Variants in BAG6 observed in about 807,000 individuals in gnomAD.
BAG6 encodes BAG cochaperone 6.
In BAG6, 22 loss-of-function variants were observed where a neutral mutation model predicts 121.0. The ratio of observed to expected loss-of-function variants is 0.18; its 90% CI spans 0.13 to 0.26. BAG6 has a LOEUF of 0.26. Ranked by LOEUF, BAG6 falls within the 10% of genes least tolerant of loss-of-function variation. The pLI is 1.00. For missense variants in BAG6, 1,233 were observed against 1,537.7 expected, an observed-to-expected ratio of 0.80 and a Z score of 3.31; for synonymous variants, 583 against 584.6, an observed-to-expected ratio of 1.00 and a Z score of 0.04.
chr6:31,640,701 G>A lies in BAG6; in HGVS notation c.2938C>T (p.Leu980Phe), dbSNP rs369392276. The A allele has an allele frequency of 2.5e-6, 4 of 1,612,982 alleles. No homozygotes were observed. The highest frequency in any genetic ancestry group is 3.4e-6 in the Non-Finnish European group (4 of 1,180,010). The change falls in exon 22 of 26, where the codon CTT (leucine) becomes TTT (phenylalanine). Residue 980 changes from leucine (L) to phenylalanine (F), a missense_variant. Leu to Phe is a conservative substitution (Grantham distance 22). Transcript: ENST00000676615. The surrounding 1 kb of genome is among the most constrained non-coding windows in gnomAD (Gnocchi z 4.2). ...VRRVGDPPQP[L>F]PEEPMEVQGA... ...TGAACTTCCATTGGCTCCTCAGGAA[G>A]TGGCTGTGAAATTAAAGAACACCAT...
chr6:31,639,759 G>A (rs1333780503), intron 24 of BAG6, 113 bp from the exon 25 acceptor site: 3 of 1,286,250 alleles, frequency 2.3e-6, no homozygotes, highest in African/African-American at 1.5e-5. Flanking sequence ...TGCTAGTGGA[G>A]AGAGGGGAAA....
At position 31,642,354 on chromosome 6, in the gene BAG6, G is replaced by C; in HGVS notation, c.2093C>G (p.Pro698Arg). 6.6e-7 allele frequency: 1 copy of C among 1,517,534 alleles called. No individual in the cohort carries two copies. The highest frequency in any genetic ancestry group is 8.9e-7 in the Non-Finnish European group (1 of 1,126,208). The allele number at this position is 1,517,534 out of a possible 1,614,324, so 94.0% of individuals were successfully genotyped here. Residue 698 changes from proline (P) to arginine (R), a missense_variant, in exon 16 of 26, where the codon CCT becomes CGT. Physicochemically the swap from Pro to Arg is moderately radical, Grantham distance 103. Coordinates refer to ENST00000676615, the MANE Select transcript of BAG6 (RefSeq NM_001387994.1). ...GGGCATGGTCTGCTGCTCTGGGGCA[G>C]GTGGTGGGGGTGGAGGAGGTGGGGG... ...PPPPPPPPPP[P>R]APEQQTMPPP...
intron 25 of BAG6, 64 bp from the exon 26 acceptor site, chr6:31,639,290 C>A: frequency 6.6e-7 from 1 of 1,510,408 alleles, no homozygotes. Context: ...CCAGCAAGCA[C>A]ACAAGGCCAT....
chr6:31,639,236 A>G lies in BAG6; in HGVS notation c.3394-10T>C, dbSNP rs201165258. 3.6e-4 allele frequency: 587 copies of G among 1,611,452 alleles called. 8 individuals carry two copies. In the East Asian group the frequency reaches 0.012, roughly 33 times the overall value. Reference sequence around the variant, plus strand: ...GTATATCAGACCGGAGCTAAAGAGAAAAAGTAAGCAGGTTGGAGAAACGCT... The same window carrying G: ...GTATATCAGACCGGAGCTAAAGAGAGAAAGTAAGCAGGTTGGAGAAACGCT... On this transcript the variant is annotated splice_polypyrimidine_tract_variant and intron_variant, in intron 25 of 25. Transcript: ENST00000676615.
intron 6 of BAG6, 91 bp downstream of exon 6, chr6:31,648,586 G>T: frequency 7.9e-7 from 1 of 1,272,822 alleles, no homozygotes; most frequent in Non-Finnish European, 1.1e-6. Context: ...GCCAAACCCT[G>T]TGGATGTGGC....
chr6:31,649,350 T>G lies in BAG6; in HGVS notation c.272A>C (p.Gln91Pro). 1.9e-6 allele frequency: 3 copies of G among 1,611,948 alleles called. No individual in the cohort carries two copies. Among genetic ancestry groups the G allele is most frequent in the Non-Finnish European group, 2.5e-6 (3 of 1,179,092 alleles). Residue 91 changes from glutamine to proline, a missense_variant, in exon 4 of 26, where the codon CAG becomes CCG. Around this residue, in one of 7 missense-constraint regions of BAG6, gnomAD observed 777 missense variants for 861.4 expected, o/e 0.90. Coordinates refer to ENST00000676615, the MANE Select transcript of BAG6 (RefSeq NM_001387994.1). ...VIHLVERAPP[Q>P]THLPSGASSG... ...AGATGCCCCAGAAGGGAGGTGAGTC[T>G]GAGGAGGAGCCCGTTCCACCAGGTG...
intron 15 of BAG6, 98 bp downstream of exon 15, chr6:31,642,731 G>A: frequency 7.2e-7 from 1 of 1,392,326 alleles, no homozygotes; most frequent in South Asian, 1.3e-5. Flanking sequence ...ATGTCACTAG[G>A]GGCTCTTACC....
chr6:31,644,739 G>A lies in BAG6; in HGVS notation c.1370-137C>T. ...GCCTTTCCCTCCATCTAAACAGGGA[G>A]AGGTACTCCCTTCACCACACAAACA... On this transcript the variant is annotated intron_variant, in intron 10 of 25. Coordinates refer to ENST00000676615, the MANE Select transcript of BAG6 (RefSeq NM_001387994.1). The surrounding 1 kb of genome is among the most constrained non-coding windows in gnomAD (Gnocchi z 4.9). 8.1e-7 allele frequency: 1 copy of A among 1,241,176 alleles called. No homozygotes were observed. Among genetic ancestry groups the A allele is most frequent in the East Asian group, 2.3e-5 (1 of 42,736 alleles). 76.9% of individuals were successfully genotyped at this position (1,241,176 alleles called of 1,614,324 possible).
chr6:31,641,720 A>T lies in BAG6; in HGVS notation c.2505+56T>A, dbSNP rs1228276896. 3 of 1,611,794 alleles carry T rather than the reference A, an allele frequency of 1.9e-6. No individual in the cohort carries two copies. The highest frequency in any genetic ancestry group is 2.5e-6 in the Non-Finnish European group (3 of 1,178,326). On this transcript the variant is annotated intron_variant, in intron 17 of 25. Transcript: ENST00000676615. The surrounding 1 kb of genome is among the most constrained non-coding windows in gnomAD (Gnocchi z 5.7). Reference sequence around the variant, plus strand: ...TTACCTGGCAGAGAAGCAGTCAGAAATAAGGAATAAAATGTGCAAAAGAGG... The same window carrying T: ...TTACCTGGCAGAGAAGCAGTCAGAATTAAGGAATAAAATGTGCAAAAGAGG...
At chr6:31,643,250 AC>A in intron 14 of BAG6, 135 bp from the exon 15 acceptor site, 1 of 836,494 alleles carries the variant, frequency 1.2e-6, no homozygotes, top group Non-Finnish European at 1.8e-6. Context: ...CCCCATCTCT[AC>A]CAGAAAAAAA....
In BAG6 at chr6:31,645,063, C is replaced by G; in HGVS notation, c.1252G>C (p.Ala418Pro). The G allele has an allele frequency of 6.2e-7, 1 of 1,612,952 alleles. No individual in the cohort carries two copies. The highest frequency in any genetic ancestry group is 8.5e-7 in the Non-Finnish European group (1 of 1,179,998). The change falls in exon 10 of 26, where the codon GCT becomes CCT. Residue 418 changes from alanine (A) to proline (P), a missense_variant. Transcript: ENST00000676615. Reference protein sequence around the residue: ...APSSTNVESSAEGAPPPGPAP... With the variant: ...APSSTNVESSPEGAPPPGPAP... The stretch of plus-strand genomic sequence containing the variant: ...GGACCTGGCGGGGGAGCCCCCTCAG[C>G]TGAGGACTCGACATTGGTAGAAGAC...
At chr6:31,647,544 C>G in intron 7 of BAG6, 47 bp downstream of exon 7, 1 of 1,604,196 alleles carries the variant, frequency 6.2e-7, no homozygotes, top group Non-Finnish European at 8.5e-7. Flanking sequence ...TCTCCCCATA[C>G]TTCACTTAGG....
At position 31,641,503 on chromosome 6, in the gene BAG6, C is replaced by G; in HGVS notation, c.2559+36G>C. On this transcript the variant is annotated intron_variant, in intron 18 of 25. Transcript: ENST00000676615. This position sits in a 1 kb window ranked among gnomAD's most constrained non-coding sequence, Gnocchi z 5.7. ...GGAGGAGGCAGCTGCCTTGACCAGA[C>G]CCAGGAGAGGAAAGGAATAGAGAAG... 1 of 1,614,078 alleles carries G rather than the reference C, an allele frequency of 6.2e-7. No homozygotes were observed. Among genetic ancestry groups the G allele is most frequent in the African/African-American group, 1.3e-5 (1 of 75,034 alleles).
In BAG6 at chr6:31,644,205, C is replaced by G. The variant is rs758537329; in HGVS notation, c.1556-11G>C. On this transcript the variant is annotated splice_polypyrimidine_tract_variant and intron_variant, in intron 12 of 25. Transcript: ENST00000676615. The surrounding 1 kb of genome is among the most constrained non-coding windows in gnomAD (Gnocchi z 4.9). ...CTGGCACCTGCTGTCCTGTGGGTGG[C>G]AGAAGAGACAGACCGAAGAGGGCTG... 6.2e-7 allele frequency: 1 copy of G among 1,609,784 alleles called. No individual in the cohort carries two copies. The highest frequency in any genetic ancestry group is 1.1e-5 in the South Asian group (1 of 90,486).
rs762346541 is a variant in BAG6, at chr6:31,639,091, G to A, written c.*40C>T. 9.8e-6 allele frequency: 15 copies of A among 1,528,298 alleles called. No individual in the cohort carries two copies. The African/African-American group carries it at 1.8e-4, about 18-fold the overall frequency. The allele number at this position is 1,528,298 out of a possible 1,614,324, so 94.7% of individuals were successfully genotyped here. A position where few individuals can be genotyped will look rare whatever the true frequency, so the allele number is the denominator to read the frequency against. On this transcript the variant is annotated 3_prime_UTR_variant, in exon 26 of 26. Coordinates refer to ENST00000676615, the MANE Select transcript of BAG6 (RefSeq NM_001387994.1). ...TTAAATACTGTGAAGGAAGAGGGGG[G>A]AAACGGTCCCCTGATGAGGAAGGGC...
At position 31,642,364 on chromosome 6, in the gene BAG6, G is replaced by T. The variant is rs1305815776; in HGVS notation, c.2083C>A (p.Pro695Thr). The change falls in exon 16 of 26, where the codon CCC becomes ACC. Residue 695 changes from proline to threonine, a missense_variant. Physicochemically the swap from Pro to Thr is conservative, Grantham distance 38. Coordinates refer to ENST00000676615, the MANE Select transcript of BAG6 (RefSeq NM_001387994.1). ...TAPPPPPPPP[P>T]PPPAPEQQTM... ...TGCTGCTCTGGGGCAGGTGGTGGGG[G>T]TGGAGGAGGTGGGGGTGGTGGAGGG... 2.8e-6 allele frequency: 3 copies of T among 1,089,044 alleles called. No homozygotes were observed. Among genetic ancestry groups the T allele is most frequent in the Admixed American group, 2.2e-5 (1 of 45,794 alleles). The allele number at this position is 1,089,044 out of a possible 1,614,324, so 67.5% of individuals were successfully genotyped here. A position where few individuals can be genotyped will look rare whatever the true frequency, so the allele number is the denominator to read the frequency against.
chr6:31,649,703 GGAGGT>G, intron 2 of BAG6, 76 bp from the exon 3 acceptor site: 1 of 1,296,486 alleles, frequency 7.7e-7, no homozygotes, highest in Non-Finnish European at 1.1e-6. Context: ...ACCGAGTTGT[GGAGGT>G]GAGGGGTAAA....
Position 31,643,122 on chromosome 6 carries a change from G to C in BAG6, c.1757-7C>G. 1 of 1,550,528 alleles carries C rather than the reference G, an allele frequency of 6.4e-7. No homozygotes were observed. Among genetic ancestry groups the C allele is most frequent in the East Asian group, 2.3e-5 (1 of 43,632 alleles). On this transcript the variant is annotated splice_region_variant and splice_polypyrimidine_tract_variant and intron_variant, in intron 14 of 25. Coordinates refer to ENST00000676615, the MANE Select transcript of BAG6 (RefSeq NM_001387994.1). ...ATACCTGGGGTCCCCTGAGCTGTAA[G>C]AAACCAAAAAAAGAAAGCTGGGCTG...
intron 24 of BAG6, 151 bp from the exon 25 acceptor site, chr6:31,639,797 G>A (rs1049665355): frequency 1.0e-6 from 1 of 952,906 alleles, no homozygotes; most frequent in Non-Finnish European, 1.5e-6. Context: ...GGTTTTTACA[G>A]CAGAAATGCC....
Sources: allele counts gnomAD v4.1 joint callset, GRCh38; gene constraint gnomAD v4.1.1; regional missense constraint gnomAD v4.1.1; non-coding constraint Gnocchi (gnomAD v3.1); transcripts MANE v1.5; gene names NCBI Gene and HGNC (gene_info 2026-07-23, HGNC 2026-07-21).